EDIL3: variants seen among roughly 807,000 people sequenced by gnomAD.
EDIL3 encodes the protein EGF-like repeat and discoidin I-like domain-containing protein 3.
EDIL3 carries 37 observed loss-of-function variants against 67.4 expected under a neutral mutation model. That is an observed-to-expected ratio of 0.55 (90% CI 0.42 to 0.72). The LOEUF (loss-of-function observed/expected upper bound fraction) is 0.72, where lower values mean the gene tolerates loss of function less well. Among genes scored for constraint, EDIL3 ranks in the 30% least tolerant of loss-of-function variants. The pLI, the probability that EDIL3 is intolerant of heterozygous loss-of-function variation, is 0.00. For synonymous variants in EDIL3, 195 were observed against 196.3 expected (o/e 0.99, Z 0.05); for missense variants, 527 against 586.3 (o/e 0.90, Z 1.04).
chr5:84,122,176 A>C (rs905410666), intron 5 of EDIL3, among the ~76,000 whole-genome samples: 2 of 152,016 alleles, frequency 1.3e-5, no homozygotes, highest in African/African-American at 2.4e-5. Flanking sequence ...AGTAATATCT[A>C]AATGTGTTGA....
chr5:84,271,540 T>A (rs910570165), intron 1 of EDIL3, among the ~76,000 whole-genome samples: 1 of 152,150 alleles, frequency 6.6e-6, no homozygotes, highest in Non-Finnish European at 1.5e-5. Flanking sequence ...AAATGATTTA[T>A]GTGCCTTGGG....
intron 1 of EDIL3, among the ~76,000 whole-genome samples, chr5:84,277,973 A>G (rs910726929): frequency 2.6e-5 from 4 of 152,220 alleles, no homozygotes; most frequent in African/African-American, 7.2e-5. Flanking sequence ...CTGGAAATCT[A>G]ATAAAACCTG....
chr5:84,123,359 T>C (rs1194849559), intron 5 of EDIL3, among the ~76,000 whole-genome samples: 3 of 152,034 alleles, frequency 2.0e-5, no homozygotes, highest in Non-Finnish European at 4.4e-5. Context: ...TTGTTTCTAA[T>C]AGTCTTGTGT....
rs148934743 is a variant in EDIL3, at chr5:84,234,013, C to T, written c.197-4129G>A. Among the ~76,000 whole-genome samples the T allele has an allele frequency of 4.4e-3, 676 of 152,248 alleles. 4 individuals carry two copies. The highest frequency in any genetic ancestry group is 0.015 in the African/African-American group (610 of 41,536). On this transcript the variant is annotated intron_variant, in intron 2 of 10. Transcript: ENST00000296591. ...CTTCTAGTTCTAGGGAAAATACATA[C>T]TGTGTATTATTTGAGTTGAGCTTTT...
chr5:84,184,122 A>G (rs1749061002), intron 3 of EDIL3, among the ~76,000 whole-genome samples: 1 of 152,136 alleles, frequency 6.6e-6, no homozygotes, highest in Non-Finnish European at 1.5e-5. Context: ...CAACAACAAC[A>G]AAACAACAAC....
At chr5:84,120,703 G>A (rs1368024169) in intron 5 of EDIL3, among the ~76,000 whole-genome samples, 1 of 151,960 alleles carries the variant, frequency 6.6e-6, no homozygotes, top group Non-Finnish European at 1.5e-5. Flanking sequence ...CATTTTGAAA[G>A]TGTATCAGTA....
At chr5:84,347,539 A>C (rs1371933312) in intron 1 of EDIL3, among the ~76,000 whole-genome samples, 1 of 152,210 alleles carries the variant, frequency 6.6e-6, no homozygotes, top group Non-Finnish European at 1.5e-5. Context: ...TTTCTCTGAT[A>C]ATCTCAGATA....
At chr5:84,220,018 A>G (rs2112399073) in intron 3 of EDIL3, among the ~76,000 whole-genome samples, 1 of 152,256 alleles carries the variant, frequency 6.6e-6, no homozygotes, top group African/African-American at 2.4e-5. Context: ...ATATAGGTAG[A>G]TAGAATGAAT....
chr5:84,213,016 T>C (rs1445512224), intron 3 of EDIL3, among the ~76,000 whole-genome samples: 1 of 144,842 alleles, frequency 6.9e-6, no homozygotes, highest in Non-Finnish European at 1.5e-5. Context: ...AAAAAAAAAA[T>C]CACAGTCTGA....
chr5:84,344,911 A>T (rs1406964398), intron 1 of EDIL3, among the ~76,000 whole-genome samples: 2 of 152,138 alleles, frequency 1.3e-5, no homozygotes, highest in Non-Finnish European at 2.9e-5. Context: ...TCAAAATTAT[A>T]ATATCACTTT....
intron 10 of EDIL3, among the ~76,000 whole-genome samples, chr5:83,949,394 G>C (rs1744368218): frequency 6.6e-6 from 1 of 151,806 alleles, no homozygotes; most frequent in Non-Finnish European, 1.5e-5. Flanking sequence ...CAATGATAAA[G>C]TTACATGTCC....
rs553667899 is a variant in EDIL3, at chr5:84,087,845, G to A, written c.651+18804C>T. 2.0e-5 allele frequency among the ~76,000 whole-genome samples: 3 copies of A among 152,196 alleles called. No individual in the cohort carries two copies. The East Asian group carries it at 5.8e-4, about 29-fold the overall frequency. ...TCCCTGAGGAACTGGCATCTATACAGCAATTGGCACATGGGAAATAATAAA... is the reference window on the plus strand; with the variant it reads ...TCCCTGAGGAACTGGCATCTATACAACAATTGGCACATGGGAAATAATAAA... On this transcript the variant is annotated intron_variant, in intron 6 of 10. Coordinates refer to ENST00000296591, the MANE Select transcript of EDIL3 (RefSeq NM_005711.5).
At chr5:84,167,593 A>G (rs1243900358) in intron 4 of EDIL3, among the ~76,000 whole-genome samples, 1 of 152,172 alleles carries the variant, frequency 6.6e-6, no homozygotes, top group Non-Finnish European at 1.5e-5. Context: ...AGTATTCTGA[A>G]AACCAATAAT....
rs182172989 is a variant in EDIL3 at position 83,951,828 on chromosome 5, G to A, written c.1294-8260C>T. On this transcript the variant is annotated intron_variant, in intron 10 of 10. Coordinates refer to ENST00000296591, the MANE Select transcript of EDIL3 (RefSeq NM_005711.5). ...TAGAACATTTAACTTCTGGCTTTTC[G>A]TAGAAGAGTTCAACTGCTCCTAAAA... 5.4e-3 allele frequency among the ~76,000 whole-genome samples: 817 copies of A among 151,788 alleles called. 23 individuals are homozygous for A. Among genetic ancestry groups the A allele is most frequent in the Admixed American group, 0.05 (762 of 15,214 alleles).
At chr5:84,149,575 T>A (rs1748350895) in intron 4 of EDIL3, among the ~76,000 whole-genome samples, 1 of 152,222 alleles carries the variant, frequency 6.6e-6, no homozygotes, top group South Asian at 2.1e-4. Context: ...CTCAAGAGAA[T>A]ATATAGGACT....
chr5:84,237,820 T>C (rs1417346835), intron 2 of EDIL3, among the ~76,000 whole-genome samples: 1 of 152,192 alleles, frequency 6.6e-6, no homozygotes, highest in Non-Finnish European at 1.5e-5. Context: ...ATATTATATT[T>C]CTGCCATTTT....
chr5:84,213,601 T>G (rs1744171995), intron 3 of EDIL3, among the ~76,000 whole-genome samples: 1 of 152,162 alleles, frequency 6.6e-6, no homozygotes, highest in Non-Finnish European at 1.5e-5. Context: ...AATATTGGAT[T>G]AAAACTCTAG....
At chr5:84,129,580 A>G (rs2112306809) in intron 5 of EDIL3, among the ~76,000 whole-genome samples, 1 of 152,240 alleles carries the variant, frequency 6.6e-6, no homozygotes, top group East Asian at 1.9e-4. Context: ...AAAGTAGAAC[A>G]ATCTTAAGTT....
At chr5:84,382,815 A>G (rs2112228014) in intron 1 of EDIL3, among the ~76,000 whole-genome samples, 1 of 152,110 alleles carries the variant, frequency 6.6e-6, no homozygotes, top group Non-Finnish European at 1.5e-5. Context: ...GCACTTTGTA[A>G]ACGCAGGCGA....
Sources: allele counts gnomAD v4.1 joint callset (sites outside exome capture counted in the v4.1 genomes callset), GRCh38; gene constraint gnomAD v4.1.1; transcripts MANE v1.5; gene names NCBI Gene and HGNC (gene_info 2026-07-23, HGNC 2026-07-21).